Variants in PRICKLE2 observed in about 807,000 individuals in gnomAD.
PRICKLE2 encodes the protein prickle-like protein 2.
PRICKLE2 carries 21 observed loss-of-function variants against 81.4 expected under a neutral mutation model. The observed-to-expected ratio is 0.26, with a 90% CI of 0.18 to 0.37. PRICKLE2 has a LOEUF of 0.37. Among genes scored for constraint, PRICKLE2 ranks in the 10% least tolerant of loss-of-function variants. PRICKLE2 has a pLI of 1.00. For synonymous variants in PRICKLE2, 456 were observed against 421.5 expected (o/e 1.08, Z -1.00); for missense variants, 940 against 1,109.0 (o/e 0.85, Z 2.16).
intron 1 of PRICKLE2, 39 bp downstream of exon 1, chr3:64,224,871 G>T: frequency 1.0e-6 from 1 of 966,558 alleles, no homozygotes; most frequent in Non-Finnish European, 1.2e-6. Context: ...AAAATATACT[G>T]CTGTTTAATT....
intron 7 of PRICKLE2, among the ~76,000 whole-genome samples, chr3:64,104,896 A>T (rs1326230117): frequency 1.3e-5 from 2 of 152,240 alleles, no homozygotes; most frequent in Non-Finnish European, 2.9e-5. Flanking sequence ...TTGACCAAAG[A>T]TGAGCAATAA....
At chr3:64,240,132 A>C (rs1014127742) in intron 2 of PRICKLE2, among the ~76,000 whole-genome samples, 4 of 151,938 alleles carry the variant, frequency 2.6e-5, no homozygotes, top group African/African-American at 9.7e-5. Flanking sequence ...AAATAAATAA[A>C]ATTTTCATTT....
intron 1 of PRICKLE2, chr3:64,199,572 A>G (rs1237960726): frequency 2.0e-5 from 3 of 152,724 alleles, no homozygotes; most frequent in African/African-American, 7.2e-5. Context: ...AGATCCCTGT[A>G]GGTTTGGAAT....
At chr3:64,204,146 G>C (rs908412134) in intron 1 of PRICKLE2, among the ~76,000 whole-genome samples, 1 of 152,174 alleles carries the variant, frequency 6.6e-6, no homozygotes, top group African/African-American at 2.4e-5. Flanking sequence ...TCTCAGAGGG[G>C]AGAAACATAC....
intron 2 of PRICKLE2, among the ~76,000 whole-genome samples, chr3:64,166,573 C>A (rs2077836487): frequency 6.6e-6 from 1 of 152,160 alleles, no homozygotes; most frequent in Admixed American, 6.5e-5. Context: ...ATAATTCAAG[C>A]CTACTGATAA....
At chr3:64,135,695 CA>C (rs2077267014) in intron 7 of PRICKLE2, among the ~76,000 whole-genome samples, 1 of 482 alleles carries the variant, frequency 2.1e-3, no homozygotes, top group Non-Finnish European at 0.017. Context: ...GATCACAGAT[CA>C]CACACACACA....
chr3:64,103,717 T>C (rs886351702), intron 7 of PRICKLE2, among the ~76,000 whole-genome samples: 1 of 152,154 alleles, frequency 6.6e-6, no homozygotes, highest in Non-Finnish European at 1.5e-5. Context: ...TGGTGGCTCA[T>C]GCCTGTAATC....
intron 2 of PRICKLE2, among the ~76,000 whole-genome samples, chr3:64,240,402 G>A (rs1000915027): frequency 1.3e-5 from 2 of 152,162 alleles, no homozygotes; most frequent in Non-Finnish European, 2.9e-5. Flanking sequence ...TTTATATATA[G>A]CTAATGCCTC....
At chr3:64,122,903 A>C (rs954811252) in intron 7 of PRICKLE2, among the ~76,000 whole-genome samples, 3 of 152,172 alleles carry the variant, frequency 2.0e-5, no homozygotes, top group Non-Finnish European at 2.9e-5. Flanking sequence ...GAGACCTGGA[A>C]GAGAGGGAGG....
rs182648796 is a variant in PRICKLE2, at chr3:64,210,438, C to T, written c.-40-11471G>A. Among the ~76,000 whole-genome samples the T allele has an allele frequency of 2.6e-5, 4 of 152,166 alleles. No individual in the cohort carries two copies. The East Asian group carries it at 7.8e-4, about 30-fold the overall frequency. Reference sequence around the variant, plus strand: ...CCTAATAAACACAGAAGCTCAAGGGCGGAGACTGTGACGGGGCCAGCTGGG... The same window carrying T: ...CCTAATAAACACAGAAGCTCAAGGGTGGAGACTGTGACGGGGCCAGCTGGG... On this transcript the variant is annotated intron_variant, in intron 1 of 7. Coordinates refer to ENST00000638394, the MANE Select transcript of PRICKLE2 (RefSeq NM_198859.4).
rs183068114 is a variant in PRICKLE2, at chr3:64,186,079, C to T, written c.144+12705G>A. On this transcript the variant is annotated intron_variant, in intron 2 of 7. Transcript: ENST00000638394. ...TTCATTTGGAATAATGATTCTCAGA[C>T]TCTGATTCACTTTGCATAGATCAAC... Among the ~76,000 whole-genome samples, 392 of 152,280 alleles carry T rather than the reference C, an allele frequency of 2.6e-3. 1 individual carries two copies. The highest frequency in any genetic ancestry group is 3.2e-3 in the Non-Finnish European group (219 of 68,030).
rs115529557 is a variant in PRICKLE2, at chr3:64,186,703, T to A, written c.144+12081A>T. On this transcript the variant is annotated intron_variant, in intron 2 of 7. Transcript: ENST00000638394. ...AACAACTGTTGAACGAATAAATGGC[T>A]GAATGCACAAATAAATGCATAAAGG... Among the ~76,000 whole-genome samples the A allele has an allele frequency of 2.5e-3, 376 of 152,314 alleles. 1 individual carries two copies. Among genetic ancestry groups the A allele is most frequent in the Non-Finnish European group, 4.0e-3 (273 of 68,030 alleles).
intron 2 of PRICKLE2, among the ~76,000 whole-genome samples, chr3:64,184,613 A>G (rs2078188689): frequency 6.6e-6 from 1 of 151,762 alleles, no homozygotes; most frequent in Non-Finnish European, 1.5e-5. Context: ...GGCTGGGGCT[A>G]CAGGCCCACA....
intron 7 of PRICKLE2, among the ~76,000 whole-genome samples, chr3:64,118,591 A>G (rs951084421): frequency 1.3e-5 from 2 of 152,210 alleles, no homozygotes; most frequent in Admixed American, 1.3e-4. Flanking sequence ...GTAATCATGC[A>G]AAAAACTCAA....
intron 2 of PRICKLE2, among the ~76,000 whole-genome samples, chr3:64,180,464 T>G (rs2078108920): frequency 6.6e-6 from 1 of 152,046 alleles, no homozygotes; most frequent in African/African-American, 2.4e-5. Flanking sequence ...ACCACTCACT[T>G]CCCATTCTCC....
At chr3:64,120,492 G>A (rs1337595234) in intron 7 of PRICKLE2, among the ~76,000 whole-genome samples, 2 of 152,104 alleles carry the variant, frequency 1.3e-5, no homozygotes, top group Non-Finnish European at 2.9e-5. Flanking sequence ...ATGGAGGCAA[G>A]AATCAAAGCA....
At chr3:64,197,520 G>A (rs1269685199) in intron 2 of PRICKLE2, among the ~76,000 whole-genome samples, 1 of 152,098 alleles carries the variant, frequency 6.6e-6, no homozygotes, top group African/African-American at 2.4e-5. Flanking sequence ...ATACTATGCA[G>A]CCATAAAAAA....
chr3:64,140,518 C>G (rs1217704853), intron 7 of PRICKLE2, among the ~76,000 whole-genome samples: 2 of 152,184 alleles, frequency 1.3e-5, no homozygotes, highest in Non-Finnish European at 2.9e-5. Context: ...TCCACACCAG[C>G]ATCCTTCACC....
At chr3:64,223,392 G>A (rs34392185) in intron 1 of PRICKLE2, among the ~76,000 whole-genome samples, 43,193 of 152,062 alleles carry the variant, frequency 0.28, 6,470 homozygotes, top group Non-Finnish European at 0.33. Context: ...CAGCTCCAGA[G>A]TCTGAGCCCT....
Sources: allele counts gnomAD v4.1 joint callset (sites outside exome capture counted in the v4.1 genomes callset), GRCh38; gene constraint gnomAD v4.1.1; transcripts MANE v1.5; gene names NCBI Gene and HGNC (gene_info 2026-07-23, HGNC 2026-07-21).